The following GATAD2B variants were observed in gnomAD, a reference collection of about 807,000 sequenced individuals.
The protein encoded by GATAD2B is GATA zinc finger domain containing 2B.
Under a neutral mutation model 64.3 loss-of-function variants are expected in GATAD2B, and 8 were observed. That is an observed-to-expected ratio of 0.12 (90% CI 0.07 to 0.22). The LOEUF is 0.22. Ranked by LOEUF, GATAD2B falls within the 10% of genes least tolerant of loss-of-function variation. The probability of loss-of-function intolerance (pLI) is 1.00; values close to 1 mark genes in which losing one functional copy is unlikely to be tolerated. For missense variants in GATAD2B, 453 were observed against 752.0 expected (o/e 0.60, Z 4.65); for synonymous variants, 281 against 271.3 (o/e 1.04, Z -0.35).
At chr1:153,904,535 A>C (rs1677869849) in intron 1 of GATAD2B, among the ~76,000 whole-genome samples, 1 of 152,016 alleles carries the variant, frequency 6.6e-6, no homozygotes, top group Non-Finnish European at 1.5e-5. Flanking sequence ...GGAGCAACAT[A>C]ATTTTTCTTT....
At chr1:153,846,458 G>A (rs935759926) in intron 1 of GATAD2B, among the ~76,000 whole-genome samples, 9 of 151,608 alleles carry the variant, frequency 5.9e-5, no homozygotes, top group African/African-American at 1.5e-4. Flanking sequence ...CGCTGGACTC[G>A]AACTCCTGGC....
rs758122361 is a variant in GATAD2B at position 153,805,530 on chromosome 1, C to T, written c.*4647G>A. On this transcript the variant is annotated 3_prime_UTR_variant, in exon 11 of 11. Coordinates refer to ENST00000368655, the MANE Select transcript of GATAD2B (RefSeq NM_020699.4). ...CTGGACATGACTCTGCTGCCTCTCC[C>T]AAATCAAGGGTAACCATAGAGGACT... 2.0e-5 allele frequency: 3 copies of T among 152,136 alleles called. No individual in the cohort carries two copies. The highest frequency in any genetic ancestry group is 4.4e-5 in the Non-Finnish European group (3 of 68,030). The allele number at this position is 152,136 out of a possible 1,614,324, so 9.4% of individuals were successfully genotyped here.
At chr1:153,874,080 G>A (rs992508543) in intron 1 of GATAD2B, among the ~76,000 whole-genome samples, 1 of 152,010 alleles carries the variant, frequency 6.6e-6, no homozygotes. Flanking sequence ...TGGCCAACAT[G>A]GTGAAATCCC....
At chr1:153,920,114 T>C (rs1244790505) in intron 1 of GATAD2B, among the ~76,000 whole-genome samples, 1 of 152,200 alleles carries the variant, frequency 6.6e-6, no homozygotes, top group Non-Finnish European at 1.5e-5. Context: ...CAGCTGCTGT[T>C]TTCCTCCACA....
At chr1:153,825,186 A>G (rs1245162969) in intron 2 of GATAD2B, among the ~76,000 whole-genome samples, 16 of 152,212 alleles carry the variant, frequency 1.1e-4, no homozygotes, top group Admixed American at 9.2e-4. Context: ...TTTCTCCCCA[A>G]TGAAGTGGGA....
intron 1 of GATAD2B, among the ~76,000 whole-genome samples, chr1:153,851,117 C>T (rs1165816208): frequency 1.3e-5 from 2 of 151,982 alleles, no homozygotes; most frequent in Non-Finnish European, 2.9e-5. Context: ...TTTCTCCTCC[C>T]CCTCAGCCTT....
intron 1 of GATAD2B, among the ~76,000 whole-genome samples, chr1:153,898,463 C>T (rs1267839696): frequency 1.3e-5 from 2 of 152,074 alleles, no homozygotes; most frequent in Non-Finnish European, 2.9e-5. Flanking sequence ...CAGTGGCTCA[C>T]GCCTGTAATC....
chr1:153,811,305 T>A (rs1193481977), intron 10 of GATAD2B, among the ~76,000 whole-genome samples: 3 of 152,166 alleles, frequency 2.0e-5, no homozygotes, highest in African/African-American at 7.2e-5. Context: ...TCTGATGGTA[T>A]GGGAGAGACA....
chr1:153,906,314 G>C (rs1345035043), intron 1 of GATAD2B, among the ~76,000 whole-genome samples: 1 of 152,008 alleles, frequency 6.6e-6, no homozygotes. Flanking sequence ...AGCCACTCGG[G>C]AGGCTGAAGC....
intron 2 of GATAD2B, among the ~76,000 whole-genome samples, chr1:153,820,553 C>G (rs1456736181): frequency 6.6e-6 from 1 of 152,194 alleles, no homozygotes; most frequent in African/African-American, 2.4e-5. Flanking sequence ...TTCAAAGATA[C>G]ATTCCCAGAT....
chr1:153,885,238 G>C (rs925477338), intron 1 of GATAD2B, among the ~76,000 whole-genome samples: 4 of 151,970 alleles, frequency 2.6e-5, no homozygotes, highest in Non-Finnish European at 5.9e-5. Flanking sequence ...AACCATGCTT[G>C]CCTTGCCAAT....
chr1:153,835,487 AT>A (rs1460208901), intron 1 of GATAD2B, among the ~76,000 whole-genome samples: 1 of 151,778 alleles, frequency 6.6e-6, no homozygotes, highest in East Asian at 1.9e-4. Context: ...AAAAAAAAAA[AT>A]TGCCAGGTTA....
At chr1:153,913,230 G>A (rs1272568052) in intron 1 of GATAD2B, among the ~76,000 whole-genome samples, 2 of 152,038 alleles carry the variant, frequency 1.3e-5, no homozygotes, top group Non-Finnish European at 2.9e-5. Flanking sequence ...ACCCAGCCAG[G>A]ACAAATTTCT....
intron 1 of GATAD2B, among the ~76,000 whole-genome samples, chr1:153,848,980 C>T (rs567669867): frequency 6.6e-6 from 1 of 151,330 alleles, no homozygotes; most frequent in Admixed American, 6.6e-5. Context: ...CAAACCCCCC[C>T]CCTCCCCCAG....
intron 2 of GATAD2B, among the ~76,000 whole-genome samples, chr1:153,825,905 T>G (rs1408630103): frequency 6.6e-6 from 1 of 152,196 alleles, no homozygotes; most frequent in African/African-American, 2.4e-5. Flanking sequence ...CTGCTTTGGA[T>G]GAGTCCTACA....
intron 1 of GATAD2B, among the ~76,000 whole-genome samples, chr1:153,915,756 AAAAAAG>A (rs1678245257): frequency 6.6e-6 from 1 of 151,346 alleles, no homozygotes; most frequent in Non-Finnish European, 1.5e-5. Flanking sequence ...AAAAAAAAAA[AAAAAAG>A]AAAAGAAAAA....
In GATAD2B at chr1:153,818,169, A is replaced by T; in HGVS notation, c.600T>A (p.Thr200=). ...QLQKENVVQK[T]PVVQNAASIV... Reference sequence around the variant, plus strand: ...TAGATGCTGCATTCTGTACAACTGGAGTCTGGGAGAGGGAAGAGAAAATAA... The same window carrying T: ...TAGATGCTGCATTCTGTACAACTGGTGTCTGGGAGAGGGAAGAGAAAATAA... Residue 200 remains threonine (T), a splice_region_variant and synonymous_variant, in exon 5 of 11, where the codon ACT becomes ACA. Coordinates refer to ENST00000368655, the MANE Select transcript of GATAD2B (RefSeq NM_020699.4). 1.9e-6 allele frequency: 3 copies of T among 1,599,172 alleles called. No homozygotes were observed. Among genetic ancestry groups the T allele is most frequent in the Non-Finnish European group, 2.6e-6 (3 of 1,173,416 alleles).
chr1:153,822,572 G>C (rs1157587759), intron 2 of GATAD2B, among the ~76,000 whole-genome samples: 1 of 152,154 alleles, frequency 6.6e-6, no homozygotes, highest in East Asian at 1.9e-4. Context: ...GAGGGCAATG[G>C]TGCAATCTCG....
intron 1 of GATAD2B, among the ~76,000 whole-genome samples, chr1:153,896,099 G>A (rs1419665612): frequency 6.6e-6 from 1 of 151,916 alleles, no homozygotes; most frequent in Non-Finnish European, 1.5e-5. Flanking sequence ...GTTCTAGGCT[G>A]TAGTAAGCTA....
Sources: allele counts gnomAD v4.1 joint callset (sites outside exome capture counted in the v4.1 genomes callset), GRCh38; gene constraint gnomAD v4.1.1; transcripts MANE v1.5; gene names NCBI Gene and HGNC (gene_info 2026-07-23, HGNC 2026-07-21).